QKI: variants seen among roughly 807,000 people sequenced by gnomAD.
QKI encodes the protein KH domain-containing RNA-binding protein QKI.
Under a neutral mutation model 39.0 loss-of-function variants are expected in QKI, and 10 were observed. The ratio of observed to expected loss-of-function variants is 0.26; its 90% CI spans 0.16 to 0.43. The LOEUF (loss-of-function observed/expected upper bound fraction) is 0.43. QKI is among the 20% of genes least tolerant of loss of function. The probability of loss-of-function intolerance (pLI) is 1.00; values close to 1 mark genes in which losing one functional copy is unlikely to be tolerated. For synonymous variants in QKI, 204 were observed against 155.4 expected (o/e 1.31, Z -2.33); for missense variants, 218 against 428.0 (o/e 0.51, Z 4.33).
intron 3 of QKI, among the ~76,000 whole-genome samples, chr6:163,507,533 T>A (rs1779172203): frequency 6.6e-6 from 1 of 151,982 alleles, no homozygotes; most frequent in Non-Finnish European, 1.5e-5. Context: ...CCCAGAGAAA[T>A]CTCTGCTGAT....
At chr6:163,500,638 C>A (rs759757434) in intron 3 of QKI, among the ~76,000 whole-genome samples, 1 of 152,054 alleles carries the variant, frequency 6.6e-6, no homozygotes, top group Admixed American at 6.6e-5. Flanking sequence ...CAGGAAATTT[C>A]TTATTTTCTG....
chr6:163,429,939 A>C (rs1429661650), intron 1 of QKI, among the ~76,000 whole-genome samples: 1 of 152,192 alleles, frequency 6.6e-6, no homozygotes, highest in Non-Finnish European at 1.5e-5. Flanking sequence ...AAATAGAAAC[A>C]TACCAAGAAG....
At chr6:163,555,528 A>G (rs931119241) in intron 4 of QKI, among the ~76,000 whole-genome samples, 2 of 151,200 alleles carry the variant, frequency 1.3e-5, no homozygotes, top group Admixed American at 1.3e-4. Context: ...AAAAAAAAAA[A>G]AAGCCTGCAC....
intron 3 of QKI, among the ~76,000 whole-genome samples, chr6:163,511,118 G>A (rs181475974): frequency 4.6e-5 from 7 of 152,274 alleles, no homozygotes; most frequent in Middle Eastern, 3.4e-3. Flanking sequence ...TATTTGGAAA[G>A]TGACACACTT....
intron 7 of QKI, chr6:163,567,204 A>T: frequency 2.0e-6 from 2 of 993,472 alleles, no homozygotes; most frequent in Non-Finnish European, 2.4e-6. Context: ...AAGTAAAGGA[A>T]TATATGCCTC....
At chr6:163,562,625 C>T (rs9347765) in intron 5 of QKI, among the ~76,000 whole-genome samples, 12,026 of 151,856 alleles carry the variant, frequency 0.079, 547 homozygotes, top group African/African-American at 0.11. Context: ...TTTTATAAGC[C>T]GTAAGAGGAT....
chr6:163,567,379 AAATT>A (rs140073746), intron 7 of QKI: 36,213 of 985,420 alleles, frequency 0.037, 717 homozygotes, highest in African/African-American at 0.063. Context: ...TTTTTTATAT[AAATT>A]AGAGCGTCAA....
intron 4 of QKI, among the ~76,000 whole-genome samples, chr6:163,549,919 T>C (rs752761909): frequency 3.3e-5 from 5 of 152,198 alleles, no homozygotes; most frequent in Non-Finnish European, 2.9e-5. Context: ...TGAACAAATA[T>C]TTCTTAACAT....
At chr6:163,564,772 A>G (rs1465081294) in intron 6 of QKI, 13 of 1,612,254 alleles carry the variant, frequency 8.1e-6, no homozygotes, top group African/African-American at 2.7e-5. Context: ...ATGTGGAACA[A>G]ACTGTTTCTG....
chr6:163,548,798 C>T (rs754940492), intron 4 of QKI, among the ~76,000 whole-genome samples: 5 of 152,040 alleles, frequency 3.3e-5, no homozygotes, highest in African/African-American at 4.8e-5. Flanking sequence ...ACTCTGGCTA[C>T]GAGGTGAGAG....
At chr6:163,524,742 C>T (rs1780374728) in intron 3 of QKI, among the ~76,000 whole-genome samples, 1 of 152,188 alleles carries the variant, frequency 6.6e-6, no homozygotes, top group Non-Finnish European at 1.5e-5. Flanking sequence ...GCTGGAATTA[C>T]AGGCATGAAC....
intron 4 of QKI, among the ~76,000 whole-genome samples, chr6:163,560,042 A>G (rs574975379): frequency 6.6e-6 from 1 of 152,300 alleles, no homozygotes; most frequent in South Asian, 2.1e-4. Context: ...ACTGTGGCTA[A>G]AGTTTATGTT....
chr6:163,438,428 ATTATGCTAT>A (rs1316616363), intron 1 of QKI, among the ~76,000 whole-genome samples: 1 of 152,220 alleles, frequency 6.6e-6, no homozygotes, highest in Non-Finnish European at 1.5e-5. Flanking sequence ...TAAATGCATC[ATTATGCTAT>A]TTCCTTTTGC....
chr6:163,482,868 C>G (rs763713106), intron 3 of QKI, among the ~76,000 whole-genome samples: 6 of 152,098 alleles, frequency 3.9e-5, no homozygotes, highest in Non-Finnish European at 8.8e-5. Context: ...CATTGGTGAT[C>G]GACTCAACAT....
intron 4 of QKI, 63 bp downstream of exon 4, chr6:163,535,188 T>A: frequency 6.8e-7 from 1 of 1,466,084 alleles, no homozygotes; most frequent in South Asian, 1.5e-5. Flanking sequence ...TTATTTTAAA[T>A]TATCGTAATG....
intron 3 of QKI, among the ~76,000 whole-genome samples, chr6:163,489,157 GTT>G (rs368383400): frequency 1.0e-4 from 12 of 119,342 alleles, no homozygotes; most frequent in East Asian, 2.5e-4. Context: ...GCCTTTATTC[GTT>G]TTTTTTTTTT....
intron 1 of QKI, among the ~76,000 whole-genome samples, chr6:163,455,053 T>C (rs186137390): frequency 6.6e-5 from 10 of 152,320 alleles, no homozygotes; most frequent in Admixed American, 6.5e-4. Flanking sequence ...TTTAATAAGA[T>C]ATGTTATTTG....
At chr6:163,472,997 G>T (rs1413498731) in intron 2 of QKI, among the ~76,000 whole-genome samples, 1 of 152,126 alleles carries the variant, frequency 6.6e-6, no homozygotes, top group African/African-American at 2.4e-5. Flanking sequence ...GAAGTAGAAG[G>T]AAGGAAATAA....
At chr6:163,448,941 G>A (rs6901592) in intron 1 of QKI, among the ~76,000 whole-genome samples, 11,965 of 152,034 alleles carry the variant, frequency 0.079, 531 homozygotes, top group Middle Eastern at 0.12. Context: ...AGAAGAGATT[G>A]TTGTTAACCC....
Sources: gnomAD v4.1 joint callset for allele counts (sites outside exome capture counted in the v4.1 genomes callset) on GRCh38, gnomAD v4.1.1 for gene constraint, MANE v1.5 for transcripts, NCBI Gene and HGNC (gene_info 2026-07-23, HGNC 2026-07-21) for gene names.